ZNF804B: variants seen among roughly 807,000 people sequenced by gnomAD.
The protein encoded by ZNF804B is zinc finger protein 804B.
A neutral mutation model predicts 101.4 loss-of-function variants in ZNF804B; 80 were observed. The ratio of observed to expected loss-of-function variants is 0.79; its 90% CI spans 0.66 to 0.95. The LOEUF (loss-of-function observed/expected upper bound fraction) is 0.95. ZNF804B is among the 40% of genes least tolerant of loss of function. The pLI is 0.00. For missense variants in ZNF804B, 1,673 were observed against 1,561.9 expected, an observed-to-expected ratio of 1.07 and a Z score of -1.20; for synonymous variants, 622 against 558.8, an observed-to-expected ratio of 1.11 and a Z score of -1.59.
At chr7:88,981,256 G>A (rs1793690049) in intron 1 of ZNF804B, among the ~76,000 whole-genome samples, 1 of 152,078 alleles carries the variant, frequency 6.6e-6, no homozygotes, top group Non-Finnish European at 1.5e-5. Flanking sequence ...CTTCAAGGCA[G>A]TGTGCTCCAT....
At chr7:89,038,803 A>G (rs2116244614) in intron 1 of ZNF804B, among the ~76,000 whole-genome samples, 1 of 152,152 alleles carries the variant, frequency 6.6e-6, no homozygotes, top group South Asian at 2.1e-4. Context: ...CTTCCTGTTA[A>G]GTTTTTAATC....
intron 2 of ZNF804B, among the ~76,000 whole-genome samples, chr7:89,219,978 TACATATGTGTGCATATATGTATATGC>T (rs1562920139): frequency 1.5e-3 from 96 of 65,062 alleles, no homozygotes; most frequent in African/African-American, 6.4e-3. Context: ...TATATGTATA[TACATATGTGTGCATATATGTATATGC>T]ACATATATGT....
intron 1 of ZNF804B, among the ~76,000 whole-genome samples, chr7:89,131,931 A>C (rs1053065407): frequency 6.6e-6 from 1 of 152,134 alleles, no homozygotes; most frequent in South Asian, 2.1e-4. Context: ...AATTTTGTAC[A>C]TGAATAACTA....
chr7:88,807,052 TA>T (rs1025846444), intron 1 of ZNF804B, among the ~76,000 whole-genome samples: 3 of 152,210 alleles, frequency 2.0e-5, no homozygotes, highest in African/African-American at 7.2e-5. Flanking sequence ...CTTTGTGACT[TA>T]AAAAATGAAA....
chr7:89,125,194 C>T (rs956366313), intron 1 of ZNF804B, among the ~76,000 whole-genome samples: 7 of 151,478 alleles, frequency 4.6e-5, no homozygotes, highest in African/African-American at 7.3e-5. Flanking sequence ...CTGTAAGTAG[C>T]GCCAAGGAGA....
chr7:89,228,806 A>G (rs1298635391), intron 2 of ZNF804B, among the ~76,000 whole-genome samples: 1 of 152,172 alleles, frequency 6.6e-6, no homozygotes, highest in African/African-American at 2.4e-5. Flanking sequence ...ACTGGGCGCT[A>G]TGGAGCAGGG....
intron 1 of ZNF804B, among the ~76,000 whole-genome samples, chr7:89,138,988 T>A (rs1360183321): frequency 1.3e-5 from 2 of 151,712 alleles, no homozygotes; most frequent in African/African-American, 4.8e-5. Flanking sequence ...ACTAATACTG[T>A]GTGTGTGTGT....
intron 1 of ZNF804B, among the ~76,000 whole-genome samples, chr7:89,043,477 A>G (rs1789050371): frequency 6.6e-6 from 1 of 152,172 alleles, no homozygotes; most frequent in Non-Finnish European, 1.5e-5. Context: ...AAAATGGAAT[A>G]TTTTCTGAGT....
At chr7:88,910,082 A>T (rs1792526460) in intron 1 of ZNF804B, among the ~76,000 whole-genome samples, 1 of 151,894 alleles carries the variant, frequency 6.6e-6, no homozygotes, top group African/African-American at 2.4e-5. Context: ...ATCACATTAG[A>T]TTTAAAAACA....
intron 1 of ZNF804B, among the ~76,000 whole-genome samples, chr7:88,907,258 C>T (rs553284411): frequency 4.6e-4 from 70 of 152,080 alleles, no homozygotes; most frequent in Admixed American, 3.0e-3. Flanking sequence ...TCGAAGATAG[C>T]ACAAGGTTGA....
chr7:88,966,873 C>T (rs1793462297), intron 1 of ZNF804B, among the ~76,000 whole-genome samples: 1 of 151,466 alleles, frequency 6.6e-6, no homozygotes, highest in Non-Finnish European at 1.5e-5. Context: ...AAGTCTGGGC[C>T]TCCCTTTGCT....
intron 2 of ZNF804B, among the ~76,000 whole-genome samples, chr7:89,321,391 A>C (rs1790817602): frequency 6.6e-6 from 1 of 152,140 alleles, no homozygotes; most frequent in Non-Finnish European, 1.5e-5. Flanking sequence ...AGACAGGAGA[A>C]TGGCATGAAC....
Position 88,933,029 on chromosome 7 carries a change from A to T in ZNF804B, c.108+172945A>T, listed in dbSNP as rs529306015. Among the ~76,000 whole-genome samples the T allele has an allele frequency of 2.0e-5, 3 of 151,920 alleles. No homozygotes were observed. In the East Asian group the frequency reaches 5.8e-4, roughly 29 times the overall value. Reference sequence around the variant, plus strand: ...ACAGACCAATATCCCTGATGGACATAGATGCAAAAATTCCCAACAAAATAT... The same window carrying T: ...ACAGACCAATATCCCTGATGGACATTGATGCAAAAATTCCCAACAAAATAT... On this transcript the variant is annotated intron_variant, in intron 1 of 3. Coordinates refer to ENST00000333190, the MANE Select transcript of ZNF804B (RefSeq NM_181646.5).
chr7:89,015,411 G>A (rs948558293), intron 1 of ZNF804B, among the ~76,000 whole-genome samples: 49 of 151,510 alleles, frequency 3.2e-4, no homozygotes, highest in African/African-American at 1.1e-3. Context: ...ATGTATACAT[G>A]TGCTATGCTG....
intron 1 of ZNF804B, among the ~76,000 whole-genome samples, chr7:88,849,521 A>T (rs1210364904): frequency 6.6e-6 from 1 of 151,156 alleles, no homozygotes; most frequent in Admixed American, 6.6e-5. Flanking sequence ...TTTTTTTGAG[A>T]CAGAGTCTCA....
At chr7:88,830,605 C>G (rs1017441199) in intron 1 of ZNF804B, among the ~76,000 whole-genome samples, 23 of 151,498 alleles carry the variant, frequency 1.5e-4, no homozygotes, top group African/African-American at 5.6e-4. Flanking sequence ...TTCAGTGTAC[C>G]CAGCTTCTTC....
intron 1 of ZNF804B, among the ~76,000 whole-genome samples, chr7:89,170,281 C>G (rs1187875693): frequency 6.6e-6 from 1 of 152,138 alleles, no homozygotes; most frequent in Non-Finnish European, 1.5e-5. Context: ...CACAGTGATA[C>G]TTTAAGTTTT....
At chr7:89,318,777 CG>C (rs1790768699) in intron 2 of ZNF804B, among the ~76,000 whole-genome samples, 1 of 151,942 alleles carries the variant, frequency 6.6e-6, no homozygotes, top group South Asian at 2.1e-4. Context: ...CCAGCTCATT[CG>C]GAGAGACTCT....
At chr7:89,211,843 A>G (rs528036598) in intron 1 of ZNF804B, among the ~76,000 whole-genome samples, 2 of 152,242 alleles carry the variant, frequency 1.3e-5, no homozygotes, top group East Asian at 3.9e-4. Flanking sequence ...TTTTGAATCT[A>G]TATGAATTTT....
Sources: gnomAD v4.1 joint callset for allele counts (sites outside exome capture counted in the v4.1 genomes callset) on GRCh38, gnomAD v4.1.1 for gene constraint, MANE v1.5 for transcripts, NCBI Gene and HGNC (gene_info 2026-07-23, HGNC 2026-07-21) for gene names.